The following DIP2C variants were observed in gnomAD, a reference collection of about 807,000 sequenced individuals.
The protein encoded by DIP2C is DIP2 acetate--CoA ligase C (putative), also known as disco-interacting protein 2 homolog C.
A neutral mutation model predicts 192.4 loss-of-function variants in DIP2C; 33 were observed. The observed-to-expected ratio is 0.17, with a 90% CI of 0.13 to 0.23. The LOEUF is 0.23. Ranked by LOEUF, DIP2C falls within the 10% of genes least tolerant of loss-of-function variation. DIP2C has a pLI of 1.00. For missense variants in DIP2C, 1,537 were observed against 2,110.1 expected (o/e 0.73, Z 5.32); for synonymous variants, 979 against 864.1 (o/e 1.13, Z -2.33).
chr10:677,900 C>T (rs777670731), intron 1 of DIP2C, among the ~76,000 whole-genome samples: 3 of 152,228 alleles, frequency 2.0e-5, no homozygotes, highest in Non-Finnish European at 2.9e-5. Flanking sequence ...CAGGAGCTGT[C>T]TGGCTCATGT....
rs1402891944 is a variant in DIP2C at position 636,530 on chromosome 10, A to G, written c.85+52964T>C. Among the ~76,000 whole-genome samples, 1 of 152,092 alleles carries G rather than the reference A, an allele frequency of 6.6e-6. No homozygotes were observed. Among genetic ancestry groups the G allele is most frequent in the Non-Finnish European group, 1.5e-5 (1 of 68,030 alleles). ...CTCACGCACGCGTTCCCTAAGAATAAAGGACCCTCTGCAGCCGCAGAACCA... is the reference window on the plus strand; with the variant it reads ...CTCACGCACGCGTTCCCTAAGAATAGAGGACCCTCTGCAGCCGCAGAACCA... On this transcript the variant is annotated intron_variant, in intron 1 of 36. Transcript: ENST00000280886. The surrounding 1 kb of genome is among the most constrained non-coding windows in gnomAD (Gnocchi z 4.6).
At position 656,596 on chromosome 10, in the gene DIP2C, G is replaced by A. The variant is rs141089296; in HGVS notation, c.85+32898C>T. ...TCTGTCTCTATGATTCTATCAATAC[G>A]GCTTCTTTGGGCTTTTCTGTAAGTC... On this transcript the variant is annotated intron_variant, in intron 1 of 36. Transcript: ENST00000280886. Among the ~76,000 whole-genome samples, 30 of 152,194 alleles carry A rather than the reference G, an allele frequency of 2.0e-4. No individual in the cohort carries two copies. The East Asian group carries it at 5.0e-3, about 25-fold the overall frequency.
intron 1 of DIP2C, among the ~76,000 whole-genome samples, chr10:557,048 T>C (rs1848917155): frequency 6.6e-6 from 1 of 152,210 alleles, no homozygotes; most frequent in South Asian, 2.1e-4. Context: ...GTGTGCTCCC[T>C]CCTGCAGAGC....
chr10:366,482 A>G, intron 18 of DIP2C, 71 bp from the exon 19 acceptor site: 2 of 1,601,020 alleles, frequency 1.2e-6, no homozygotes, highest in Non-Finnish European at 1.7e-6. Context: ...AACAGGGAAG[A>G]CGCGAATATG....
At position 636,437 on chromosome 10, in the gene DIP2C, A is replaced by T. The variant is rs1355508568; in HGVS notation, c.85+53057T>A. ...CACTCTCTCTCTCTGTAGATTATACAGAGAGACAGATTCGTTTCTCCTCTG... is the reference window on the plus strand; with the variant it reads ...CACTCTCTCTCTCTGTAGATTATACTGAGAGACAGATTCGTTTCTCCTCTG... On this transcript the variant is annotated intron_variant, in intron 1 of 36. Coordinates refer to ENST00000280886, the MANE Select transcript of DIP2C (RefSeq NM_014974.3). The surrounding 1 kb of genome is among the most constrained non-coding windows in gnomAD (Gnocchi z 4.6). 6.6e-6 allele frequency among the ~76,000 whole-genome samples: 1 copy of T among 152,164 alleles called. No homozygotes were observed. The highest frequency in any genetic ancestry group is 2.4e-5 in the African/African-American group (1 of 41,444).
intron 29 of DIP2C, 105 bp from the exon 30 acceptor site, chr10:329,706 G>A: frequency 7.2e-7 from 1 of 1,391,378 alleles, no homozygotes; most frequent in Non-Finnish European, 9.7e-7. Flanking sequence ...AGGAGGACTT[G>A]GAACAGCCCG....
intron 3 of DIP2C, among the ~76,000 whole-genome samples, chr10:463,619 T>G (rs1490021828): frequency 6.6e-6 from 1 of 152,238 alleles, no homozygotes; most frequent in Non-Finnish European, 1.5e-5. Flanking sequence ...ATTGACTTTC[T>G]TCACAGAATT....
At chr10:684,016 C>A (rs1200174987) in intron 1 of DIP2C, among the ~76,000 whole-genome samples, 1 of 152,242 alleles carries the variant, frequency 6.6e-6, no homozygotes, top group Non-Finnish European at 1.5e-5. Context: ...GCGCGTGGCT[C>A]GGGCCCCTAA....
chr10:537,804 T>C (rs568918645), intron 1 of DIP2C, among the ~76,000 whole-genome samples: 58 of 141,680 alleles, frequency 4.1e-4, no homozygotes, highest in South Asian at 1.5e-3. Context: ...TTTTTTTTTT[T>C]CCCCCGAGAC....
chr10:537,699 A>G (rs1178028970), intron 1 of DIP2C, among the ~76,000 whole-genome samples: 1 of 152,082 alleles, frequency 6.6e-6, no homozygotes, highest in Non-Finnish European at 1.5e-5. Context: ...ACAGGCTGGT[A>G]AGTCAACTCT....
intron 17 of DIP2C, among the ~76,000 whole-genome samples, chr10:372,794 C>G (rs1254506852): frequency 6.6e-6 from 1 of 152,052 alleles, no homozygotes; most frequent in African/African-American, 2.4e-5. Context: ...CGGGAGCTCC[C>G]GGCACACAGG....
chr10:430,657 T>C (rs1279857063), intron 4 of DIP2C, among the ~76,000 whole-genome samples: 1 of 152,256 alleles, frequency 6.6e-6, no homozygotes, highest in African/African-American at 2.4e-5. Flanking sequence ...GTCTTTGACA[T>C]AGCAGAACAT....
intron 1 of DIP2C, among the ~76,000 whole-genome samples, chr10:594,222 T>C (rs984840517): frequency 3.3e-5 from 5 of 152,128 alleles, no homozygotes; most frequent in South Asian, 2.1e-4. Flanking sequence ...TCCATGTAAA[T>C]AGCACTCCTG....
intron 1 of DIP2C, among the ~76,000 whole-genome samples, chr10:624,147 G>A (rs968938003): frequency 1.2e-4 from 19 of 152,306 alleles, no homozygotes; most frequent in Middle Eastern, 3.4e-3. Flanking sequence ...GGAGCCGCAC[G>A]GCGAGGCCCC....
chr10:563,942 C>T (rs762477264), intron 1 of DIP2C, among the ~76,000 whole-genome samples: 8 of 152,142 alleles, frequency 5.3e-5, no homozygotes, highest in African/African-American at 9.7e-5. Flanking sequence ...TTCAGGGAAT[C>T]GATGCTGAAT....
chr10:522,554 G>A (rs1846780731), intron 1 of DIP2C, among the ~76,000 whole-genome samples: 2 of 152,240 alleles, frequency 1.3e-5, no homozygotes, highest in Admixed American at 1.3e-4. Flanking sequence ...ACGCCCACCA[G>A]CACGCGGCGG....
rs190235675 is a variant in DIP2C at position 510,881 on chromosome 10, G to A, written c.86-24351C>T. ...TCTGCATGCTGGCTGCTCAGAGCTGGTGGTGTGGGACAGCCAGGACATCAC... is the reference window on the plus strand; with the variant it reads ...TCTGCATGCTGGCTGCTCAGAGCTGATGGTGTGGGACAGCCAGGACATCAC... On this transcript the variant is annotated intron_variant, in intron 1 of 36. Transcript: ENST00000280886. 1.4e-4 allele frequency among the ~76,000 whole-genome samples: 21 copies of A among 152,342 alleles called. No individual in the cohort carries two copies. In the East Asian group the frequency reaches 2.1e-3, roughly 15 times the overall value.
intron 1 of DIP2C, among the ~76,000 whole-genome samples, chr10:553,565 C>T (rs1344892848): frequency 6.6e-6 from 1 of 152,178 alleles, no homozygotes; most frequent in Non-Finnish European, 1.5e-5. Flanking sequence ...TTCCATTAAC[C>T]CAATCATTCA....
intron 1 of DIP2C, among the ~76,000 whole-genome samples, chr10:491,200 G>C (rs1415170785): frequency 6.6e-6 from 1 of 152,200 alleles, no homozygotes; most frequent in Non-Finnish European, 1.5e-5. Flanking sequence ...CGTGACCCTA[G>C]GGGATGAAAG....
Sources: allele counts gnomAD v4.1 joint callset (sites outside exome capture counted in the v4.1 genomes callset), GRCh38; gene constraint gnomAD v4.1.1; non-coding constraint Gnocchi (gnomAD v3.1); transcripts MANE v1.5; gene names NCBI Gene and HGNC (gene_info 2026-07-23, HGNC 2026-07-21).